The following ST3GAL6 variants were observed in gnomAD, a reference collection of about 807,000 sequenced individuals.
ST3GAL6 encodes type 2 lactosamine alpha-2,3-sialyltransferase.
In ST3GAL6, 31 loss-of-function variants were observed where a neutral mutation model predicts 40.5. The ratio of observed to expected loss-of-function variants is 0.77; its 90% confidence interval spans 0.58 to 1.03. ST3GAL6 has a LOEUF of 1.03. Ranked by LOEUF, ST3GAL6 falls within the 50% of genes least tolerant of loss-of-function variation. The probability of loss-of-function intolerance (pLI) is 0.00; values close to 1 mark genes in which losing one functional copy is unlikely to be tolerated. For synonymous variants in ST3GAL6, 129 were observed against 136.9 expected, an observed-to-expected ratio of 0.94 and a Z score of 0.40; for missense variants, 357 against 393.2, an observed-to-expected ratio of 0.91 and a Z score of 0.78.
At chr3:98,768,259 A>G (rs1158579453) in intron 1 of ST3GAL6, among the ~76,000 whole-genome samples, 171 bp from the exon 2 acceptor site, 1 of 143,086 alleles carries the variant, frequency 7.0e-6, no homozygotes, top group African/African-American at 2.6e-5. Flanking sequence ...CAGAAAAAAC[A>G]TTATCTTTCT....
At chr3:98,780,356 C>A (rs759696770) in intron 5 of ST3GAL6, among the ~76,000 whole-genome samples, 1 of 152,150 alleles carries the variant, frequency 6.6e-6, no homozygotes, top group Non-Finnish European at 1.5e-5. Context: ...TTTGCAATAT[C>A]CTTTACCAGG....
chr3:98,762,818 T>G, upstream of ST3GAL6: 1 of 985,452 alleles, frequency 1.0e-6, no homozygotes, highest in Non-Finnish European at 1.2e-6. Flanking sequence ...CTCTGGGTAT[T>G]AAACATATCT....
chr3:98,768,625 C>G, intron 2 of ST3GAL6, 96 bp downstream of exon 2: 1 of 880,154 alleles, frequency 1.1e-6, no homozygotes, highest in South Asian at 1.5e-5. Context: ...AAAACTTGTA[C>G]CATTTTGAAT....
intron 1 of ST3GAL6, among the ~76,000 whole-genome samples, chr3:98,738,814 A>G (rs1935803784): frequency 6.6e-6 from 1 of 152,204 alleles, no homozygotes; most frequent in Admixed American, 6.5e-5. Flanking sequence ...GCCAAAAACT[A>G]ACAAAGATAT....
chr3:98,783,085 A>G, intron 5 of ST3GAL6: 1 of 150,882 alleles, frequency 6.6e-6, no homozygotes, highest in Non-Finnish European at 1.2e-5. Context: ...CACCCGAAAG[A>G]GAAGGGCTTT....
chr3:98,759,973 CA>C (rs1278792240), upstream of ST3GAL6, among the ~76,000 whole-genome samples: 1 of 151,650 alleles, frequency 6.6e-6, no homozygotes, highest in African/African-American at 2.4e-5. Flanking sequence ...GAATTAAAAA[CA>C]AAAAACAAAA....
rs1294404317 is a variant in ST3GAL6 at position 98,794,471 on chromosome 3, G to C, written c.*710G>C. The C allele has an allele frequency of 6.6e-6, 1 of 150,516 alleles. No homozygotes were observed. Among genetic ancestry groups the C allele is most frequent in the Non-Finnish European group, 1.5e-5 (1 of 67,636 alleles). 9.3% of individuals were successfully genotyped at this position (150,516 alleles called of 1,614,324 possible). On this transcript the variant is annotated 3_prime_UTR_variant, in exon 10 of 10. Transcript: ENST00000483910. ...AAGCTAAGCTAGGCAAGCTCAAGAA[G>C]GAAAAAAAAATCTTGAACATTATTT...
chr3:98,733,023 T>C (rs1254872574), intron 1 of ST3GAL6: 3 of 1,438,468 alleles, frequency 2.1e-6, no homozygotes, highest in South Asian at 1.4e-5. Context: ...TGAGGGAAAT[T>C]GGGGGTGCGG....
intron 8 of ST3GAL6, among the ~76,000 whole-genome samples, chr3:98,788,689 G>C (rs1332343785): frequency 6.6e-6 from 1 of 152,186 alleles, no homozygotes; most frequent in Non-Finnish European, 1.5e-5. Flanking sequence ...TGCCCTTGTA[G>C]GGCCTTCCTG....
intron 1 of ST3GAL6, chr3:98,732,887 G>C: frequency 6.6e-7 from 1 of 1,510,204 alleles, no homozygotes; most frequent in Non-Finnish European, 8.8e-7. Flanking sequence ...CGCGAGAGAG[G>C]CAGCAGCCGG....
chr3:98,772,792 T>A, intron 3 of ST3GAL6, 21 bp from the exon 4 acceptor site: 3 of 1,586,010 alleles, frequency 1.9e-6, no homozygotes, highest in Non-Finnish European at 2.6e-6. Context: ...GGCAAAATCA[T>A]TCTTTATCCT....
chr3:98,751,915 C>G (rs1330482616), intron 1 of ST3GAL6, among the ~76,000 whole-genome samples: 1 of 152,136 alleles, frequency 6.6e-6, no homozygotes, highest in East Asian at 1.9e-4. Context: ...TTTTCATAAT[C>G]AAGCATAATT....
intron 1 of ST3GAL6, among the ~76,000 whole-genome samples, chr3:98,752,441 T>C (rs994622988): frequency 4.0e-5 from 6 of 151,784 alleles, no homozygotes; most frequent in Non-Finnish European, 5.9e-5. Flanking sequence ...TTATAAAATA[T>C]ATATTTTTTT....
intron 1 of ST3GAL6, among the ~76,000 whole-genome samples, chr3:98,754,359 T>G (rs1313817394): frequency 6.6e-6 from 1 of 152,208 alleles, no homozygotes. Flanking sequence ...GAACTAGAAT[T>G]AGCAGTAGAG....
chr3:98,789,521 C>G (rs1031764982), intron 8 of ST3GAL6, among the ~76,000 whole-genome samples: 1 of 152,092 alleles, frequency 6.6e-6, no homozygotes, highest in Non-Finnish European at 1.5e-5. Context: ...TTTAACTCTT[C>G]CCCTATTTAT....
At chr3:98,782,301 AG>A (rs1196432032) in intron 5 of ST3GAL6, 1 of 703,456 alleles carries the variant, frequency 1.4e-6, no homozygotes, top group Non-Finnish European at 2.6e-6. Flanking sequence ...TTCAGAAGCA[AG>A]GCTGCTATAG....
intron 1 of ST3GAL6, among the ~76,000 whole-genome samples, chr3:98,741,761 A>G (rs1936108313): frequency 6.6e-6 from 1 of 152,234 alleles, no homozygotes; most frequent in African/African-American, 2.4e-5. Flanking sequence ...ACAATATGGC[A>G]TGTAATACAT....
chr3:98,787,754 A>T (rs1186481214), intron 6 of ST3GAL6, among the ~76,000 whole-genome samples: 2 of 152,286 alleles, frequency 1.3e-5, no homozygotes, highest in South Asian at 2.1e-4. Context: ...ACTTTTTTAA[A>T]TTTAGTCTTC....
intron 6 of ST3GAL6, 50 bp downstream of exon 6, chr3:98,785,090 G>A: frequency 7.3e-7 from 1 of 1,372,206 alleles, no homozygotes; most frequent in Non-Finnish European, 1.0e-6. Context: ...AAAGAATATG[G>A]TTTCTTGCCT....
Sources: allele counts gnomAD v4.1 joint callset (sites outside exome capture counted in the v4.1 genomes callset), GRCh38; gene constraint gnomAD v4.1.1; transcripts MANE v1.5; gene names NCBI Gene and HGNC (gene_info 2026-07-23, HGNC 2026-07-21).